Variants in CDH9 observed in about 807,000 individuals in gnomAD.
The protein encoded by CDH9 is cadherin 9.
CDH9 carries 28 observed loss-of-function variants against 70.9 expected under a neutral mutation model. The ratio of observed to expected loss-of-function variants is 0.40; its 90% confidence interval spans 0.29 to 0.54. The LOEUF (loss-of-function observed/expected upper bound fraction) is 0.54. Ranked by LOEUF, CDH9 falls within the 20% of genes least tolerant of loss-of-function variation. CDH9 has a pLI of 0.59. For missense variants in CDH9, 874 were observed against 984.4 expected, an observed-to-expected ratio of 0.89 and a Z score of 1.50; for synonymous variants, 409 against 343.1, an observed-to-expected ratio of 1.19 and a Z score of -2.12.
At chr5:26,998,130 C>G (rs1742698430) in intron 1 of CDH9, among the ~76,000 whole-genome samples, 1 of 152,150 alleles carries the variant, frequency 6.6e-6, no homozygotes, top group Non-Finnish European at 1.5e-5. Context: ...AAGCATAAGT[C>G]CATGTGTTAA....
intron 7 of CDH9, among the ~76,000 whole-genome samples, chr5:26,899,551 C>T (rs1386390343): frequency 6.6e-6 from 1 of 152,024 alleles, no homozygotes; most frequent in Non-Finnish European, 1.5e-5. Flanking sequence ...AACACAGGAA[C>T]AGAAAACCAA....
chr5:26,993,558 G>A (rs566800902), intron 1 of CDH9, among the ~76,000 whole-genome samples: 33 of 152,052 alleles, frequency 2.2e-4, no homozygotes, highest in South Asian at 1.2e-3. Context: ...GTTAGTAGGG[G>A]TGTGAACCAT....
rs559342863 is a variant in CDH9, at chr5:26,888,498, T to A, written c.1512+1338A>T. 6.6e-5 allele frequency among the ~76,000 whole-genome samples: 10 copies of A among 151,750 alleles called. No homozygotes were observed. The East Asian group carries it at 1.9e-3, about 30-fold the overall frequency. ...AAATTAAGCATCAAATTCAAAAAAA[T>A]CATTTACTAAACTGAGATGCCCATT... On this transcript the variant is annotated intron_variant, in intron 9 of 11. Transcript: ENST00000231021.
intron 1 of CDH9, among the ~76,000 whole-genome samples, chr5:27,000,192 C>G (rs537620100): frequency 1.3e-5 from 2 of 151,910 alleles, no homozygotes; most frequent in Non-Finnish European, 2.9e-5. Flanking sequence ...AATAAGAATA[C>G]AAAAATATCA....
intron 1 of CDH9, among the ~76,000 whole-genome samples, chr5:26,991,973 C>T (rs1228489573): frequency 6.6e-6 from 1 of 152,156 alleles, no homozygotes; most frequent in East Asian, 1.9e-4. Context: ...GACTTGAATA[C>T]ATACGCACAC....
intron 7 of CDH9, among the ~76,000 whole-genome samples, chr5:26,892,684 G>C (rs1327767523): frequency 1.3e-5 from 2 of 151,730 alleles, no homozygotes; most frequent in Non-Finnish European, 2.9e-5. Context: ...AGACATTTAG[G>C]TTTTGAAACA....
rs141728147 is a variant in CDH9 at position 26,949,845 on chromosome 5, G to T, written c.229-33921C>A. 6.9e-3 allele frequency among the ~76,000 whole-genome samples: 1,055 copies of T among 152,274 alleles called. 15 individuals are homozygous for T. Among genetic ancestry groups the T allele is most frequent in the African/African-American group, 0.024 (1,014 of 41,560 alleles). ...CATGAGAGAAAACAAAACTCTATTT[G>T]TATAAATTAATTTATAAGAACTTTA... On this transcript the variant is annotated intron_variant, in intron 2 of 11. Coordinates refer to ENST00000231021, the MANE Select transcript of CDH9 (RefSeq NM_016279.4).
At chr5:26,993,671 G>A (rs1159318844) in intron 1 of CDH9, among the ~76,000 whole-genome samples, 1 of 124,556 alleles carries the variant, frequency 8.0e-6, no homozygotes, top group East Asian at 2.2e-4. Context: ...GGATTTTATA[G>A]GCCAGCTCCC....
chr5:26,957,885 T>C (rs1333314349), intron 2 of CDH9, among the ~76,000 whole-genome samples: 5 of 152,194 alleles, frequency 3.3e-5, no homozygotes, highest in Non-Finnish European at 5.9e-5. Context: ...ATTTAAATAT[T>C]ATCTCAATGT....
At chr5:26,984,580 T>TA (rs1405738724) in intron 2 of CDH9, among the ~76,000 whole-genome samples, 4 of 152,252 alleles carry the variant, frequency 2.6e-5, no homozygotes, top group Non-Finnish European at 1.5e-5. Flanking sequence ...ACTTTGAACT[T>TA]ATGTATAACA....
At chr5:26,955,539 G>A (rs545627637) in intron 2 of CDH9, among the ~76,000 whole-genome samples, 27 of 151,466 alleles carry the variant, frequency 1.8e-4, no homozygotes, top group South Asian at 2.1e-4. Context: ...TAATTTTCAC[G>A]TGATATCTCT....
chr5:26,978,934 G>C (rs1031380601), intron 2 of CDH9, among the ~76,000 whole-genome samples: 3 of 151,648 alleles, frequency 2.0e-5, no homozygotes, highest in Admixed American at 6.6e-5. Context: ...ATGAAATAAA[G>C]ATATTTCTAT....
intron 2 of CDH9, among the ~76,000 whole-genome samples, chr5:26,963,637 T>C (rs2112064175): frequency 6.6e-6 from 1 of 152,140 alleles, no homozygotes; most frequent in East Asian, 1.9e-4. Flanking sequence ...TTATTTTGTA[T>C]ACTTTTCCTA....
intron 1 of CDH9, among the ~76,000 whole-genome samples, chr5:27,038,132 G>T (rs1180700735): frequency 1.3e-5 from 2 of 151,838 alleles, no homozygotes; most frequent in African/African-American, 4.8e-5. Flanking sequence ...ATAATTGAAA[G>T]CCACCACAAT....
intron 1 of CDH9, chr5:27,028,479 T>C (rs1035306775): frequency 3.3e-5 from 5 of 152,016 alleles, no homozygotes; most frequent in Non-Finnish European, 7.4e-5. Flanking sequence ...TAATAATTGA[T>C]AGGTACTGTT....
At chr5:26,922,327 T>C (rs1057103848) in intron 2 of CDH9, among the ~76,000 whole-genome samples, 3 of 151,750 alleles carry the variant, frequency 2.0e-5, no homozygotes, top group African/African-American at 7.3e-5. Context: ...GAAAGCATCC[T>C]AAAAGCAGCA....
chr5:26,955,602 C>G (rs1046376279), intron 2 of CDH9, among the ~76,000 whole-genome samples: 29 of 144,372 alleles, frequency 2.0e-4, no homozygotes, highest in African/African-American at 4.0e-4. Flanking sequence ...CTCTCTCTCT[C>G]TCTGTGTGTG....
chr5:26,896,210 A>AT (rs1007138546), intron 7 of CDH9, among the ~76,000 whole-genome samples: 4 of 151,984 alleles, frequency 2.6e-5, no homozygotes, highest in Non-Finnish European at 4.4e-5. Context: ...TTTTAAAGCC[A>AT]TTTTTTTAAA....
intron 6 of CDH9, 177 bp from the exon 7 acceptor site, chr5:26,902,906 A>G: frequency 1.8e-6 from 1 of 540,614 alleles, no homozygotes; most frequent in South Asian, 2.5e-5. Flanking sequence ...CCATACACTT[A>G]TTCACAGAGG....
Sources: gnomAD v4.1 joint callset for allele counts (sites outside exome capture counted in the v4.1 genomes callset) on GRCh38, gnomAD v4.1.1 for gene constraint, MANE v1.5 for transcripts, NCBI Gene and HGNC (gene_info 2026-07-23, HGNC 2026-07-21) for gene names.